The following COX6B2 variants were observed in gnomAD, a reference collection of about 807,000 sequenced individuals.
COX6B2 encodes cytochrome c oxidase subunit 6B2.
A neutral mutation model predicts 13.7 loss-of-function variants in COX6B2; 12 were observed. The observed-to-expected ratio is 0.87, with a 90% CI of 0.56 to 1.41. The LOEUF is 1.41. Ranked by LOEUF, COX6B2 falls within the 40% of genes most tolerant of loss-of-function variation. The probability of loss-of-function intolerance (pLI) is 0.00; values close to 1 mark genes in which losing one functional copy is unlikely to be tolerated. For missense variants in COX6B2, 130 were observed against 118.3 expected, an observed-to-expected ratio of 1.10 and a Z score of -0.46; for synonymous variants, 56 against 46.6, an observed-to-expected ratio of 1.20 and a Z score of -0.82.
At position 55,353,732 on chromosome 19, in the gene COX6B2, C is replaced by G. The variant is rs778449941; in HGVS notation, c.256G>C (p.Gly86Arg). Residue 86 changes from glycine (G) to arginine (R), a missense_variant, in exon 4 of 5, where the codon GGC becomes CGC. Coordinates refer to ENST00000326529, the MANE Select transcript of COX6B2 (RefSeq NM_144613.5). ...CCGCGCTGGGGCAGTCAGATTTTGC[C>G]GGCGAAAATCCCGTTCTTGATCTGC... The part of the protein sequence containing the change: ...NEQIKNGIFA[G>R]KI 4 of 1,609,492 alleles carry G rather than the reference C, an allele frequency of 2.5e-6. No homozygotes were observed. The highest frequency in any genetic ancestry group is 1.3e-5 in the African/African-American group (1 of 74,838).
In COX6B2 at chr19:55,350,942, TC is replaced by T. The variant is rs2089666487; in HGVS notation, c.*115-143del. ...GGACTCCCCACCCTGACCCCGTGTC[TC>T]CCTGTGGGGGCACTCTGGCCCTTTA... On this transcript the variant is annotated intron_variant, in intron 4 of 4. Coordinates refer to ENST00000326529, the MANE Select transcript of COX6B2 (RefSeq NM_144613.5). This position sits in a 1 kb window ranked among gnomAD's most constrained non-coding sequence, Gnocchi z 4.2. The T allele has an allele frequency of 6.6e-6, 1 of 152,452 alleles. No individual in the cohort carries two copies. Among genetic ancestry groups the T allele is most frequent in the Admixed American group, 6.5e-5 (1 of 15,286 alleles). 9.4% of individuals were successfully genotyped at this position (152,452 alleles called of 1,614,324 possible).
At chr19:55,353,808 G>A (rs2123217134) in intron 3 of COX6B2, 34 bp from the exon 4 acceptor site, 1 of 1,595,058 alleles carries the variant, frequency 6.3e-7, no homozygotes, top group Non-Finnish European at 8.5e-7. Context: ...CGGGACGCCG[G>A]CTCAGCCTCG....
At chr19:55,354,571 G>A in intron 1 of COX6B2, 32 bp from the exon 2 acceptor site, 1 of 1,355,414 alleles carries the variant, frequency 7.4e-7, no homozygotes, top group Non-Finnish European at 1.0e-6. Context: ...GGACTCCGTG[G>A]GGCCGAGGGG....
rs974896149 is a variant in COX6B2 at position 55,354,691 on chromosome 19, C to T, written c.-60G>A. 33 of 581,110 alleles carry T rather than the reference C, an allele frequency of 5.7e-5. No homozygotes were observed. Among genetic ancestry groups the T allele is most frequent in the Middle Eastern group, 6.3e-4 (2 of 3,172 alleles). The allele number at this position is 581,110 out of a possible 1,614,324, so 36.0% of individuals were successfully genotyped here. On this transcript the variant is annotated 5_prime_UTR_variant, in exon 1 of 5. Coordinates refer to ENST00000326529, the MANE Select transcript of COX6B2 (RefSeq NM_144613.5). ...GCCACTGGATCTGCTGTGGGATGGT[C>T]CCGGGGTGCCGCTCGCTTCTGAGTC...
In COX6B2 at chr19:55,353,865, C is replaced by T. The variant is rs770103934; in HGVS notation, c.213+1G>A. 6.3e-7 allele frequency: 1 copy of T among 1,577,832 alleles called. No individual in the cohort carries two copies. Among genetic ancestry groups the T allele is most frequent in the South Asian group, 1.2e-5 (1 of 86,922 alleles). ...GCCCGGCGCCCCCTCTGCCGACTCA[C>T]CCAGCTGATGGGGCACAGCGAGTGG... On this transcript the variant is annotated splice_donor_variant, in intron 3 of 4. Transcript: ENST00000326529. LOFTEE classifies it high-confidence loss of function.
In COX6B2 at chr19:55,353,950, G is replaced by C; in HGVS notation, c.129C>G (p.Leu43=). ...YQNFLDYHRC[L]KTRTRRGKST... is the part of the protein sequence containing the mutation. ...TCTTCCCGCGGCGGGTCCTGGTCTTGAGGCAGCGGTGGTAGTCTGTGGCGG... is the reference window on the plus strand; with the variant it reads ...TCTTCCCGCGGCGGGTCCTGGTCTTCAGGCAGCGGTGGTAGTCTGTGGCGG... The change falls in exon 3 of 5, where the codon CTC becomes CTG. Residue 43 remains leucine, a synonymous_variant. Transcript: ENST00000326529. 6.4e-7 allele frequency: 1 copy of C among 1,552,982 alleles called. No individual in the cohort carries two copies. Among genetic ancestry groups the C allele is most frequent in the Non-Finnish European group, 8.7e-7 (1 of 1,152,032 alleles).
Position 55,354,459 on chromosome 19 carries a change from C to T in COX6B2, c.63G>A (p.Pro21=), listed in dbSNP as rs372120425. The change falls in exon 2 of 5, where the codon CCG becomes CCA. Residue 21 remains proline (P), a synonymous_variant. Transcript: ENST00000326529. ...KGKWSTPPFD[P]RFPSQNQIRN... is the part of the protein sequence containing the mutation. ...GGATCTGGTTCTGGCTGGGGAAGCG[C>T]GGGTCGAAGGGCGGCGTCGACCATT... 7.3e-5 allele frequency: 118 copies of T among 1,613,878 alleles called. No homozygotes were observed. The highest frequency in any genetic ancestry group is 9.2e-5 in the Non-Finnish European group (109 of 1,179,958).
In COX6B2 at chr19:55,354,460, G is replaced by C; in HGVS notation, c.62C>G (p.Pro21Arg). Residue 21 changes from proline (P) to arginine (R), a missense_variant, in exon 2 of 5, where the codon CCG (proline) becomes CGG (arginine). Transcript: ENST00000326529. ...KGKWSTPPFD[P>R]RFPSQNQIRN... ...GATCTGGTTCTGGCTGGGGAAGCGC[G>C]GGTCGAAGGGCGGCGTCGACCATTT... 1 of 1,614,018 alleles carries C rather than the reference G, an allele frequency of 6.2e-7. No homozygotes were observed. Among genetic ancestry groups the C allele is most frequent in the Non-Finnish European group, 8.5e-7 (1 of 1,179,976 alleles).
Position 55,354,684 on chromosome 19 carries a change from G to A in COX6B2, c.-53C>T. 1 of 603,062 alleles carries A rather than the reference G, an allele frequency of 1.7e-6. No homozygotes were observed. Among genetic ancestry groups the A allele is most frequent in the Non-Finnish European group, 2.9e-6 (1 of 340,218 alleles). The allele number at this position is 603,062 out of a possible 1,614,324, so 37.4% of individuals were successfully genotyped here. A position where few individuals can be genotyped will look rare whatever the true frequency, so the allele number is the denominator to read the frequency against. On this transcript the variant is annotated 5_prime_UTR_variant, in exon 1 of 5. Coordinates refer to ENST00000326529, the MANE Select transcript of COX6B2 (RefSeq NM_144613.5). ...GTTGGCGGCCACTGGATCTGCTGTG[G>A]GATGGTCCCGGGGTGCCGCTCGCTT...
intron 3 of COX6B2, 25 bp downstream of exon 3, chr19:55,353,841 C>T (rs1474176082): frequency 2.5e-6 from 4 of 1,583,536 alleles, no homozygotes; most frequent in Admixed American, 1.8e-5. Flanking sequence ...ACACGCCTGG[C>T]CCGGCGCCCC....
rs1271922440 is a variant in COX6B2 at position 55,352,570 on chromosome 19, G to T, written c.*114+1037C>A. 6.6e-6 allele frequency: 1 copy of T among 152,098 alleles called. No homozygotes were observed. Among genetic ancestry groups the T allele is most frequent in the Admixed American group, 6.5e-5 (1 of 15,272 alleles). The allele number at this position is 152,098 out of a possible 1,614,324, so 9.4% of individuals were successfully genotyped here. On this transcript the variant is annotated intron_variant, in intron 4 of 4. Coordinates refer to ENST00000326529, the MANE Select transcript of COX6B2 (RefSeq NM_144613.5). This position sits in a 1 kb window ranked among gnomAD's most constrained non-coding sequence, Gnocchi z 6.2. Reference sequence around the variant, plus strand: ...GGGTTGAACAGGGCCTCATAGGACCGCTTCAGTCAGAGGATGGGGCTTCCC... The same window carrying T: ...GGGTTGAACAGGGCCTCATAGGACCTCTTCAGTCAGAGGATGGGGCTTCCC...
At chr19:55,353,577 C>G (rs765159935) in intron 4 of COX6B2, 30 bp downstream of exon 4, 219 of 765,406 alleles carry the variant, frequency 2.9e-4, no homozygotes, top group Non-Finnish European at 4.3e-4. Context: ...GCTGGCTGGG[C>G]ATTAAGAAGA....
Position 55,353,986 on chromosome 19 carries a change from C to T in COX6B2, c.113-20G>A. 1.3e-6 allele frequency: 2 copies of T among 1,532,758 alleles called. No homozygotes were observed. The highest frequency in any genetic ancestry group is 1.2e-5 in the South Asian group (1 of 83,872). The allele number at this position is 1,532,758 out of a possible 1,614,324, so 94.9% of individuals were successfully genotyped here. ...GGTAGTCTGTGGCGGGCGGGGGTCA[C>T]GCGGCAAGCCACGCCCATTCCAGGA... is the stretch of plus-strand genomic sequence containing the variant. On this transcript the variant is annotated intron_variant, in intron 2 of 4. Coordinates refer to ENST00000326529, the MANE Select transcript of COX6B2 (RefSeq NM_144613.5).
At chr19:55,353,362 G>C in intron 4 of COX6B2, 1 of 392,568 alleles carries the variant, frequency 2.5e-6, no homozygotes, top group Non-Finnish European at 4.8e-6. Context: ...CCCTGGGCTG[G>C]CTCGTAGCTG....
chr19:55,353,975 G>C lies in COX6B2; in HGVS notation c.113-9C>G, dbSNP rs1250979778. The C allele has an allele frequency of 6.5e-7, 1 of 1,540,160 alleles. No homozygotes were observed. ...GAGGCAGCGGTGGTAGTCTGTGGCG[G>C]GCGGGGGTCACGCGGCAAGCCACGC... is the stretch of plus-strand genomic sequence containing the variant. On this transcript the variant is annotated splice_polypyrimidine_tract_variant and intron_variant, in intron 2 of 4. Coordinates refer to ENST00000326529, the MANE Select transcript of COX6B2 (RefSeq NM_144613.5).
chr19:55,354,283 C>CCCACCAACCCGGCCCCGCCA, intron 2 of COX6B2, 127 bp downstream of exon 2: 1 of 867,430 alleles, frequency 1.2e-6, no homozygotes, highest in African/African-American at 1.7e-5. Context: ...AGGCCCCGCC[C>CCCACCAACCCGGCCCCGCCA]CCACCAACCC....
chr19:55,354,035 G>A (rs906396625), intron 2 of COX6B2, 69 bp from the exon 3 acceptor site: 245 of 1,356,640 alleles, frequency 1.8e-4, no homozygotes, highest in Non-Finnish European at 2.4e-4. Context: ...TCCACTGCTC[G>A]GGCCCTCCCA....
intron 2 of COX6B2, 111 bp from the exon 3 acceptor site, chr19:55,354,077 C>A (rs1600274788): frequency 1.0e-6 from 1 of 963,700 alleles, no homozygotes; most frequent in East Asian, 2.6e-5. Flanking sequence ...CCTCCCTCTC[C>A]CCTGGAGGCC....
chr19:55,354,530 G>C lies in COX6B2; in HGVS notation c.-9C>G. On this transcript the variant is annotated 5_prime_UTR_variant, in exon 2 of 5. Transcript: ENST00000326529. Reference sequence around the variant, plus strand: ...GCTTCCACATCCAACATCCACGAAGGAGGCAACTCCTGCGAGACGGGACGG... The same window carrying C: ...GCTTCCACATCCAACATCCACGAAGCAGGCAACTCCTGCGAGACGGGACGG... The C allele has an allele frequency of 6.3e-6, 10 of 1,599,662 alleles. No individual in the cohort carries two copies. The highest frequency in any genetic ancestry group is 7.7e-6 in the Non-Finnish European group (9 of 1,169,290).
Sources: gnomAD v4.1 joint callset for allele counts on GRCh38, gnomAD v4.1.1 for gene constraint, Gnocchi (gnomAD v3.1) non-coding constraint, MANE v1.5 for transcripts, NCBI Gene and HGNC (gene_info 2026-07-23, HGNC 2026-07-21) for gene names.